Variants in SBNO2 observed in about 807,000 individuals in gnomAD.
SBNO2 encodes protein strawberry notch homolog 2.
In SBNO2, 89 loss-of-function variants were observed where a neutral mutation model predicts 146.3. The observed-to-expected ratio is 0.61, with a 90% CI of 0.51 to 0.73. The LOEUF is 0.73. Among genes scored for constraint, SBNO2 ranks in the 30% least tolerant of loss-of-function variants. The pLI is 0.00. For missense variants in SBNO2, 2,092 were observed against 2,003.7 expected (o/e 1.04, Z -0.84); for synonymous variants, 1,147 against 892.6 (o/e 1.29, Z -5.08).
Position 1,131,050 on chromosome 19 carries a change from C to G in SBNO2, c.280-3285G>C, listed in dbSNP as rs113599780. 3.4e-3 allele frequency among the ~76,000 whole-genome samples: 522 copies of G among 152,300 alleles called. 6 individuals are homozygous for G. The Middle Eastern group carries it at 0.044, about 13-fold the overall frequency. On this transcript the variant is annotated intron_variant, in intron 4 of 31. Transcript: ENST00000361757. ...TGAACAGAGCCAGGCCAGCTCCCCC[C>G]ACAGTGGCTCCGTCCTCTGCCCACA...
intron 4 of SBNO2, among the ~76,000 whole-genome samples, chr19:1,141,036 C>A (rs1450023770): frequency 6.6e-6 from 1 of 151,826 alleles, no homozygotes; most frequent in African/African-American, 2.4e-5. Flanking sequence ...AGAAGACGCA[C>A]CCCGGAGAAG....
intron 5 of SBNO2, 42 bp from the exon 6 acceptor site, chr19:1,124,064 G>T (rs1410695668): frequency 1.3e-6 from 2 of 1,579,290 alleles, no homozygotes; most frequent in Non-Finnish European, 1.7e-6. Context: ...AGACGGGACA[G>T]GTCACAGCTG....
At chr19:1,167,724 G>C (rs994872823) in intron 1 of SBNO2, among the ~76,000 whole-genome samples, 2 of 152,136 alleles carry the variant, frequency 1.3e-5, no homozygotes, top group East Asian at 1.9e-4. Context: ...TCCAGGGGGT[G>C]GGGGGGACGG....
At chr19:1,113,807 C>A in intron 18 of SBNO2, 103 bp from the exon 19 acceptor site, 1 of 1,347,684 alleles carries the variant, frequency 7.4e-7, no homozygotes, top group South Asian at 1.8e-5. Flanking sequence ...GGGCCCGGGG[C>A]AACCCTGAGG....
intron 17 of SBNO2, among the ~76,000 whole-genome samples, chr19:1,114,705 T>C (rs148845214): frequency 1.6e-3 from 246 of 152,302 alleles, no homozygotes; most frequent in African/African-American, 5.9e-3. Context: ...AACGGTGGCA[T>C]CTCACTGCAC....
intron 13 of SBNO2, 61 bp downstream of exon 13, chr19:1,119,454 TG>T: frequency 1.5e-6 from 2 of 1,314,410 alleles, no homozygotes; most frequent in Non-Finnish European, 1.1e-6. Flanking sequence ...CTTGGGCTGA[TG>T]GGCCTGAGGC....
At chr19:1,118,542 T>C (rs2079860085) in intron 14 of SBNO2, among the ~76,000 whole-genome samples, 1 of 151,642 alleles carries the variant, frequency 6.6e-6, no homozygotes, top group Admixed American at 6.6e-5. Flanking sequence ...GGGCGGTGGT[T>C]TGGTCCCATC....
At chr19:1,133,604 G>A (rs1048618001) in intron 4 of SBNO2, among the ~76,000 whole-genome samples, 4 of 152,214 alleles carry the variant, frequency 2.6e-5, no homozygotes, top group Non-Finnish European at 5.9e-5. Flanking sequence ...GACAACACGG[G>A]TCCGTGCCGC....
At position 1,136,688 on chromosome 19, in the gene SBNO2, G is replaced by C. The variant is rs1310880700; in HGVS notation, c.280-8923C>G. Among the ~76,000 whole-genome samples, 2 of 152,194 alleles carry C rather than the reference G, an allele frequency of 1.3e-5. No individual in the cohort carries two copies. The highest frequency in any genetic ancestry group is 4.8e-5 in the African/African-American group (2 of 41,444). On this transcript the variant is annotated intron_variant, in intron 4 of 31. Coordinates refer to ENST00000361757, the MANE Select transcript of SBNO2 (RefSeq NM_014963.3). This position sits in a 1 kb window ranked among gnomAD's most constrained non-coding sequence, Gnocchi z 4.2. ...TCTTTTTTGCCCAATGCCAGTAACT[G>C]TGGGGGCTCCGTGGTGCCGGATGGG...
Position 1,149,423 on chromosome 19 carries a change from G to A in SBNO2, c.113C>T (p.Pro38Leu). 1.3e-6 allele frequency: 2 copies of A among 1,552,270 alleles called. No individual in the cohort carries two copies. Among genetic ancestry groups the A allele is most frequent in the Non-Finnish European group, 1.7e-6 (2 of 1,148,180 alleles). ...PPLQSAMLHC[P>L]YWNTFSLPPY... ...CGGCAGCGAGAAGGTGTTCCAGTAG[G>A]GGCAGTGCAGCATGGCGCTCTAGAA... The change falls in exon 3 of 32, where the codon CCC (proline) becomes CTC (leucine). Residue 38 changes from proline (P) to leucine (L), a missense_variant. By Grantham distance (98) the Pro-to-Leu change is moderately conservative. Transcript: ENST00000361757.
At chr19:1,138,910 G>A (rs993413477) in intron 4 of SBNO2, among the ~76,000 whole-genome samples, 9 of 118,184 alleles carry the variant, frequency 7.6e-5, no homozygotes, top group South Asian at 2.7e-4. Flanking sequence ...TCCTCCACGC[G>A]TCCATCACAG....
At position 1,117,413 on chromosome 19, in the gene SBNO2, C is replaced by T. The variant is rs1312263692; in HGVS notation, c.1614G>A (p.Ser538=). 14 of 1,590,220 alleles carry T rather than the reference C, an allele frequency of 8.8e-6. No homozygotes were observed. The East Asian group carries it at 1.6e-4, about 18-fold the overall frequency. The change falls in exon 15 of 32, where the codon TCG becomes TCA. Residue 538 remains serine, a synonymous_variant. Coordinates refer to ENST00000361757, the MANE Select transcript of SBNO2 (RefSeq NM_014963.3). ...GATACTTGAAGAAGCGCTGGTGTGC[C>T]GACCAGAACTGGCCCCACAGGGACT... ...SRKSLWGQFW[S]AHQRFFKYLC...
At chr19:1,118,316 C>T (rs2079857064) in intron 14 of SBNO2, among the ~76,000 whole-genome samples, 1 of 151,146 alleles carries the variant, frequency 6.6e-6, no homozygotes, top group Admixed American at 6.6e-5. Flanking sequence ...CCAGCCTGGG[C>T]AACAAGAGTG....
In SBNO2 at chr19:1,108,184, C is replaced by T. The variant is rs901989260; in HGVS notation, c.*36G>A. 2.3e-5 allele frequency: 34 copies of T among 1,508,382 alleles called. No homozygotes were observed. In the African/African-American group the frequency reaches 2.3e-4, roughly 10 times the overall value. 93.4% of individuals were successfully genotyped at this position (1,508,382 alleles called of 1,614,324 possible). Reference sequence around the variant, plus strand: ...CCGCTGCTCCTAGGGGAGAAACGGTCCCTGTGTCTTGGGGCATGTTTCGCC... The same window carrying T: ...CCGCTGCTCCTAGGGGAGAAACGGTTCCTGTGTCTTGGGGCATGTTTCGCC... On this transcript the variant is annotated 3_prime_UTR_variant, in exon 32 of 32. Coordinates refer to ENST00000361757, the MANE Select transcript of SBNO2 (RefSeq NM_014963.3).
rs950542118 is a variant in SBNO2, at chr19:1,123,602, T to C, written c.560A>G (p.Glu187Gly). The C allele has an allele frequency of 6.2e-7, 1 of 1,613,388 alleles. No individual in the cohort carries two copies. The highest frequency in any genetic ancestry group is 8.5e-7 in the Non-Finnish European group (1 of 1,179,750). Reference protein sequence around the residue: ...SVQSQPEEEDEAEEEEAEELG... With the variant: ...SVQSQPEEEDGAEEEEAEELG... ...CTCCTCCGCCTCCTCCTCCTCAGCCTCGTCCTCCTCCTCTGGCTGGCTCTG... is the reference window on the plus strand; with the variant it reads ...CTCCTCCGCCTCCTCCTCCTCAGCCCCGTCCTCCTCCTCTGGCTGGCTCTG... The change falls in exon 7 of 32, where the codon GAG becomes GGG. Residue 187 changes from glutamate (E) to glycine (G), a missense_variant. Physicochemically the swap from Glu to Gly is moderately conservative, Grantham distance 98. Transcript: ENST00000361757.
chr19:1,133,360 G>A (rs2080052966), intron 4 of SBNO2, among the ~76,000 whole-genome samples: 1 of 152,102 alleles, frequency 6.6e-6, no homozygotes, highest in Non-Finnish European at 1.5e-5. Flanking sequence ...TGGGCCGGAG[G>A]GCTCGGGACA....
At chr19:1,163,864 C>T (rs899419617) in intron 1 of SBNO2, among the ~76,000 whole-genome samples, 5 of 152,202 alleles carry the variant, frequency 3.3e-5, no homozygotes, top group African/African-American at 7.2e-5. Context: ...CCACGAGGAA[C>T]GGCAGTGGCC....
intron 3 of SBNO2, among the ~76,000 whole-genome samples, chr19:1,147,654 C>T (rs530256806): frequency 1.8e-3 from 268 of 152,102 alleles, no homozygotes; most frequent in Non-Finnish European, 2.4e-3. Flanking sequence ...AGAGCTCCTA[C>T]GGAACAGCCG....
At chr19:1,124,147 C>G in intron 5 of SBNO2, 125 bp from the exon 6 acceptor site, 2 of 886,724 alleles carry the variant, frequency 2.3e-6, no homozygotes, top group South Asian at 2.9e-5. Context: ...TCCTCGCTCC[C>G]CAGGGCCCTG....
Sources: gnomAD v4.1 joint callset for allele counts (sites outside exome capture counted in the v4.1 genomes callset) on GRCh38, gnomAD v4.1.1 for gene constraint, Gnocchi (gnomAD v3.1) non-coding constraint, MANE v1.5 for transcripts, NCBI Gene and HGNC (gene_info 2026-07-23, HGNC 2026-07-21) for gene names.